The following ROR2 variants were observed in gnomAD, a reference collection of about 807,000 sequenced individuals.
ROR2 encodes the protein tyrosine-protein kinase transmembrane receptor ROR2.
ROR2 carries 33 observed loss-of-function variants against 74.9 expected under a neutral mutation model. The ratio of observed to expected loss-of-function variants is 0.44; its 90% CI spans 0.33 to 0.59. The LOEUF (loss-of-function observed/expected upper bound fraction) is 0.59, where lower values mean the gene tolerates loss of function less well. Ranked by LOEUF, ROR2 falls within the 20% of genes least tolerant of loss-of-function variation. The pLI is 0.02. For synonymous variants in ROR2, 586 were observed against 558.7 expected (o/e 1.05, Z -0.69); for missense variants, 1,216 against 1,313.8 (o/e 0.93, Z 1.15).
At chr9:91,866,678 CTAAAATTTAAATTT>C (rs1209281010) in intron 1 of ROR2, among the ~76,000 whole-genome samples, 4 of 151,918 alleles carry the variant, frequency 2.6e-5, no homozygotes, top group Admixed American at 6.6e-5. Flanking sequence ...TATGGGGCTA[CTAAAATTTAAATTT>C]TAAAATTTAA....
chr9:91,899,606 AAC>A (rs549261744), intron 1 of ROR2, among the ~76,000 whole-genome samples: 84 of 152,186 alleles, frequency 5.5e-4, no homozygotes, highest in Non-Finnish European at 1.1e-3. Flanking sequence ...GGCAGGAGAG[AAC>A]AGAGCCTCCT....
chr9:91,774,909 C>G (rs551817919), intron 2 of ROR2, among the ~76,000 whole-genome samples: 3 of 152,300 alleles, frequency 2.0e-5, no homozygotes, highest in African/African-American at 7.2e-5. Flanking sequence ...CCCAAAGAAC[C>G]GCCTATAGGA....
intron 5 of ROR2, among the ~76,000 whole-genome samples, chr9:91,734,803 C>A (rs534933468): frequency 7.9e-5 from 12 of 152,290 alleles, no homozygotes; most frequent in Non-Finnish European, 1.5e-4. Context: ...CGTCAGTGGG[C>A]GGGAGCAGCC....
chr9:91,771,551 C>G (rs1826226989), intron 2 of ROR2, among the ~76,000 whole-genome samples: 1 of 152,172 alleles, frequency 6.6e-6, no homozygotes, highest in African/African-American at 2.4e-5. Context: ...CGGTTATAAC[C>G]AAGTCCTACA....
intron 1 of ROR2, among the ~76,000 whole-genome samples, chr9:91,862,635 C>A (rs1829503231): frequency 1.3e-5 from 2 of 151,986 alleles, no homozygotes; most frequent in African/African-American, 4.8e-5. Context: ...GCACTGCAGC[C>A]TGGGCAACAG....
intron 1 of ROR2, among the ~76,000 whole-genome samples, chr9:91,877,529 G>C (rs565925732): frequency 4.6e-5 from 7 of 152,284 alleles, no homozygotes; most frequent in South Asian, 4.2e-4. Flanking sequence ...CCTATACAGG[G>C]GAAATGAGTG....
chr9:91,885,583 C>T (rs747996980), intron 1 of ROR2, among the ~76,000 whole-genome samples: 1 of 152,128 alleles, frequency 6.6e-6, no homozygotes, highest in Non-Finnish European at 1.5e-5. Context: ...TGGGTGAGAC[C>T]GAGATCTGGA....
At chr9:91,846,253 C>T (rs1352593700) in intron 1 of ROR2, among the ~76,000 whole-genome samples, 1 of 152,198 alleles carries the variant, frequency 6.6e-6, no homozygotes, top group Non-Finnish European at 1.5e-5. Flanking sequence ...GCCTGAACCT[C>T]AGTAAGACGG....
At chr9:91,940,932 T>C in intron 1 of ROR2, among the ~76,000 whole-genome samples, 1 of 151,720 alleles carries the variant, frequency 6.6e-6, no homozygotes, top group South Asian at 2.1e-4. Context: ...CAGCATGTGC[T>C]AAACTCCATT....
intron 1 of ROR2, among the ~76,000 whole-genome samples, chr9:91,890,142 C>T (rs1216173111): frequency 1.3e-5 from 2 of 152,186 alleles, no homozygotes; most frequent in African/African-American, 4.8e-5. Flanking sequence ...AACTTCTTTC[C>T]CTCTTTCTGG....
In ROR2 at chr9:91,752,068, A is replaced by ATAGC. The variant is rs1196336439; in HGVS notation, c.494+3999_494+4002dup. ...CACTTGAATCACTGCATACACCGGA[A>ATAGC]TAGCTACACTTAAAAAGGCTGACCA... On this transcript the variant is annotated intron_variant, in intron 4 of 8. Coordinates refer to ENST00000375708, the MANE Select transcript of ROR2 (RefSeq NM_004560.4). Among the ~76,000 whole-genome samples, 3 of 152,370 alleles carry ATAGC rather than the reference A, an allele frequency of 2.0e-5. No homozygotes were observed. In the East Asian group the frequency reaches 5.8e-4, roughly 29 times the overall value.
chr9:91,851,353 CAA>C (rs140560176), intron 1 of ROR2, among the ~76,000 whole-genome samples: 47 of 114,544 alleles, frequency 4.1e-4, no homozygotes, highest in African/African-American at 8.0e-4. Flanking sequence ...GACTCCGTCT[CAA>C]AAAAAAAAAA....
chr9:91,813,791 C>CT (rs1247294996), intron 1 of ROR2, among the ~76,000 whole-genome samples: 8 of 152,164 alleles, frequency 5.3e-5, no homozygotes, highest in African/African-American at 1.7e-4. Flanking sequence ...ATCCTAAACT[C>CT]TAAGTCCTCA....
intron 4 of ROR2, among the ~76,000 whole-genome samples, chr9:91,739,701 T>G (rs2118741536): frequency 6.6e-6 from 1 of 152,188 alleles, no homozygotes; most frequent in East Asian, 1.9e-4. Flanking sequence ...AGAAAGAGAT[T>G]TTGGTGTTAA....
At chr9:91,817,625 C>A (rs1005243342) in intron 1 of ROR2, among the ~76,000 whole-genome samples, 1 of 152,178 alleles carries the variant, frequency 6.6e-6, no homozygotes. Context: ...ACCCGGCCAC[C>A]AGCGCCAGGA....
At chr9:91,747,906 T>A (rs554751550) in intron 4 of ROR2, among the ~76,000 whole-genome samples, 210 of 152,234 alleles carry the variant, frequency 1.4e-3, no homozygotes, top group African/African-American at 4.7e-3. Context: ...AGCACAGTGG[T>A]GGTTACCAGA....
chr9:91,748,569 T>C (rs1488675698), intron 4 of ROR2, among the ~76,000 whole-genome samples: 1 of 152,206 alleles, frequency 6.6e-6, no homozygotes, highest in African/African-American at 2.4e-5. Flanking sequence ...GGTGTAAGAT[T>C]TGTATTTAAA....
At position 91,722,727 on chromosome 9, in the gene ROR2, A is replaced by G. The variant is rs565418435; in HGVS notation, c.*935T>C. The G allele has an allele frequency of 3.1e-4, 218 of 698,442 alleles. 2 individuals carry two copies. The highest frequency in any genetic ancestry group is 2.6e-5 in the Non-Finnish European group (10 of 378,010). 43.3% of individuals were successfully genotyped at this position (698,442 alleles called of 1,614,324 possible). A position where few individuals can be genotyped will look rare whatever the true frequency, so the allele number is the denominator to read the frequency against. ...AGGGGCTGTAAAATGAATGGACCTC[A>G]TGTGCACGTGGTACAGAGAGAAGCA... On this transcript the variant is annotated 3_prime_UTR_variant, in exon 9 of 9. Coordinates refer to ENST00000375708, the MANE Select transcript of ROR2 (RefSeq NM_004560.4).
intron 2 of ROR2, among the ~76,000 whole-genome samples, chr9:91,758,093 C>T (rs555852845): frequency 6.6e-6 from 1 of 152,236 alleles, no homozygotes; most frequent in South Asian, 2.1e-4. Context: ...ACTAAATAGA[C>T]CAAGAAAAGG....
Sources: gnomAD v4.1 joint callset for allele counts (sites outside exome capture counted in the v4.1 genomes callset) on GRCh38, gnomAD v4.1.1 for gene constraint, MANE v1.5 for transcripts, NCBI Gene and HGNC (gene_info 2026-07-23, HGNC 2026-07-21) for gene names.